Variants in DZIP1L observed in about 807,000 individuals in gnomAD.
DZIP1L encodes the protein cilium assembly protein DZIP1L.
Under a neutral mutation model 88.7 loss-of-function variants are expected in DZIP1L, and 90 were observed. The observed-to-expected ratio is 1.02, with a 90% confidence interval of 0.86 to 1.21. The LOEUF (loss-of-function observed/expected upper bound fraction) is 1.21. Among genes scored for constraint, DZIP1L ranks in the 50% most tolerant of loss-of-function variants. The pLI is 0.00. For missense variants in DZIP1L, 932 were observed against 955.8 expected (o/e 0.98, Z 0.33); for synonymous variants, 363 against 372.1 (o/e 0.98, Z 0.28).
intron 1 of DZIP1L, among the ~76,000 whole-genome samples, chr3:138,109,075 A>G (rs1464308597): frequency 6.6e-6 from 1 of 152,186 alleles, no homozygotes; most frequent in African/African-American, 2.4e-5. Context: ...CCACAGGGGA[A>G]TGGATTTTGT....
chr3:138,067,793 G>A, intron 13 of DZIP1L, 93 bp from the exon 14 acceptor site: 1 of 1,402,694 alleles, frequency 7.1e-7, no homozygotes. Context: ...GGTTTGGTTT[G>A]CTCAGGGCCA....
rs776725269 is a variant in DZIP1L at position 138,064,653 on chromosome 3, G to T, written c.2117C>A (p.Ala706Asp). 1.4e-5 allele frequency: 22 copies of T among 1,614,036 alleles called. No homozygotes were observed. In the East Asian group the frequency reaches 4.9e-4, roughly 36 times the overall value. The change falls in exon 15 of 16, where the codon GCT (alanine) becomes GAT (aspartate). Residue 706 changes from alanine to aspartate, a missense_variant. Coordinates refer to ENST00000327532, the MANE Select transcript of DZIP1L (RefSeq NM_173543.3). ...FFMPNAGPQR[A>D]ATPGRKPQLS... ...CTGAGGCTTCCTTCCTGGTGTGGCA[G>T]CCCTCTGTGGCCCAGCATTGGGCAT...
intron 2 of DZIP1L, chr3:138,101,911 C>T (rs112325223): frequency 0.011 from 16,471 of 1,455,498 alleles, 125 homozygotes; most frequent in Middle Eastern, 0.019. Flanking sequence ...CAGCTCCCCA[C>T]GTTGCTCGGC....
chr3:138,115,199 G>C (rs1367539440), intron 1 of DZIP1L, 129 bp downstream of exon 1: 2 of 152,142 alleles, frequency 1.3e-5, no homozygotes, highest in Non-Finnish European at 1.5e-5. Flanking sequence ...GCTGCACCCC[G>C]GCAGGGAGTT....
chr3:138,069,417 C>G (rs912986312), intron 12 of DZIP1L, among the ~76,000 whole-genome samples: 1 of 152,166 alleles, frequency 6.6e-6, no homozygotes, highest in Non-Finnish European at 1.5e-5. Flanking sequence ...TCAAAAGTTA[C>G]ACGCAAATTT....
intron 5 of DZIP1L, 185 bp from the exon 6 acceptor site, chr3:138,088,692 G>C: frequency 7.9e-7 from 1 of 1,266,856 alleles, no homozygotes; most frequent in Non-Finnish European, 9.9e-7. Context: ...GGCTCTCCTG[G>C]GGGCTCAGCC....
At chr3:138,087,290 A>G (rs1416939091) in intron 6 of DZIP1L, among the ~76,000 whole-genome samples, 5 of 152,248 alleles carry the variant, frequency 3.3e-5, no homozygotes, top group African/African-American at 1.2e-4. Context: ...AGCAAAATAA[A>G]TTGTAGGTGG....
At chr3:138,064,599 G>C (rs1942811243) in intron 15 of DZIP1L, 29 bp downstream of exon 15, 2 of 1,614,074 alleles carry the variant, frequency 1.2e-6, no homozygotes, top group Non-Finnish European at 1.7e-6. Flanking sequence ...GAGAATTCCA[G>C]AGTAAACTCT....
intron 1 of DZIP1L, among the ~76,000 whole-genome samples, chr3:138,111,277 G>C (rs1190643129): frequency 6.6e-6 from 1 of 152,194 alleles, no homozygotes; most frequent in East Asian, 1.9e-4. Context: ...AGTACAAAGA[G>C]TAAAAGCTGA....
At chr3:138,070,386 T>C (rs1367563774) in intron 12 of DZIP1L, among the ~76,000 whole-genome samples, 1 of 152,222 alleles carries the variant, frequency 6.6e-6, no homozygotes, top group Non-Finnish European at 1.5e-5. Flanking sequence ...GTCTGAGATT[T>C]CTATGCAAGA....
chr3:138,086,652 G>GT lies in DZIP1L; in HGVS notation c.1062+308dup, dbSNP rs1193278267. 3.3e-5 allele frequency among the ~76,000 whole-genome samples: 5 copies of GT among 152,292 alleles called. No homozygotes were observed. In the South Asian group the frequency reaches 1.0e-3, roughly 32 times the overall value. ...GAAACGACCAGGCGATTCATCTGAG[G>GT]TTTATCGAACAACCCTCCCTGGAGG... On this transcript the variant is annotated intron_variant, in intron 7 of 15. Coordinates refer to ENST00000327532, the MANE Select transcript of DZIP1L (RefSeq NM_173543.3).
intron 2 of DZIP1L, among the ~76,000 whole-genome samples, chr3:138,100,143 G>A (rs1016257644): frequency 2.6e-5 from 4 of 152,162 alleles, no homozygotes; most frequent in African/African-American, 9.7e-5. Context: ...TAGAGGGTTG[G>A]AACTTTCAGC....
At chr3:138,091,929 A>T (rs1466422769) in intron 5 of DZIP1L, among the ~76,000 whole-genome samples, 2 of 152,218 alleles carry the variant, frequency 1.3e-5, no homozygotes, top group African/African-American at 4.8e-5. Flanking sequence ...GCATGTAACC[A>T]GTATTCAGGG....
intron 1 of DZIP1L, among the ~76,000 whole-genome samples, chr3:138,111,127 T>A (rs1309641873): frequency 2.6e-5 from 4 of 152,200 alleles, no homozygotes; most frequent in Non-Finnish European, 5.9e-5. Flanking sequence ...GTATCTGCTG[T>A]ATCCCAGTCC....
chr3:138,111,019 G>C (rs576268829), intron 1 of DZIP1L, among the ~76,000 whole-genome samples: 36 of 152,130 alleles, frequency 2.4e-4, no homozygotes, highest in Non-Finnish European at 4.6e-4. Flanking sequence ...GGTTCTCTGG[G>C]AACACCAAGG....
Position 138,085,757 on chromosome 3 carries a change from G to A in DZIP1L, c.1062+1204C>T, listed in dbSNP as rs1943900733. ...TTTGACCCAGCCATCCCATTACTGG[G>A]TATATACCCAAAGGACTATAAATCA... On this transcript the variant is annotated intron_variant, in intron 7 of 15. Transcript: ENST00000327532. Among the ~76,000 whole-genome samples the A allele has an allele frequency of 2.0e-5, 3 of 152,284 alleles. No individual in the cohort carries two copies. In the South Asian group the frequency reaches 6.2e-4, roughly 32 times the overall value.
chr3:138,083,757 A>T (rs1369625040), intron 8 of DZIP1L, among the ~76,000 whole-genome samples: 1 of 152,012 alleles, frequency 6.6e-6, no homozygotes, highest in East Asian at 1.9e-4. Context: ...AGCTTATTTC[A>T]CCATCTGTCG....
At chr3:138,074,715 A>G (rs1284978641) in intron 11 of DZIP1L, among the ~76,000 whole-genome samples, 1 of 147,900 alleles carries the variant, frequency 6.8e-6, no homozygotes, top group Non-Finnish European at 1.5e-5. Flanking sequence ...CATAGGACCT[A>G]TACAACAATA....
rs931134388 is a variant in DZIP1L at position 138,063,671 on chromosome 3, G to A, written c.2143-694C>T. ...GACCGACCAATCAGAACCCATGCAG[G>A]GTGCAGGGCAGCAAGCATGCTCTGA... is the stretch of plus-strand genomic sequence containing the variant. On this transcript the variant is annotated intron_variant, in intron 15 of 15. Coordinates refer to ENST00000327532, the MANE Select transcript of DZIP1L (RefSeq NM_173543.3). The surrounding 1 kb of genome is among the most constrained non-coding windows in gnomAD (Gnocchi z 4.1). Among the ~76,000 whole-genome samples the A allele has an allele frequency of 7.6e-4, 116 of 152,244 alleles. No individual in the cohort carries two copies. The highest frequency in any genetic ancestry group is 1.8e-4 in the Non-Finnish European group (12 of 68,046).
Sources: allele counts gnomAD v4.1 joint callset (sites outside exome capture counted in the v4.1 genomes callset), GRCh38; gene constraint gnomAD v4.1.1; non-coding constraint Gnocchi (gnomAD v3.1); transcripts MANE v1.5; gene names NCBI Gene and HGNC (gene_info 2026-07-23, HGNC 2026-07-21).